The following TMPRSS11F variants were observed in gnomAD, a reference collection of about 807,000 sequenced individuals.
TMPRSS11F encodes transmembrane protease serine 11F.
TMPRSS11F carries 47 observed loss-of-function variants against 60.2 expected under a neutral mutation model. That is an observed-to-expected ratio of 0.78 (90% CI 0.62 to 1.00). The LOEUF (loss-of-function observed/expected upper bound fraction) is 1.00. Ranked by LOEUF, TMPRSS11F falls within the 50% of genes least tolerant of loss-of-function variation. TMPRSS11F has a pLI of 0.00. For synonymous variants in TMPRSS11F, 166 were observed against 167.3 expected (o/e 0.99, Z 0.06); for missense variants, 519 against 522.9 (o/e 0.99, Z 0.07).
chr4:68,090,715 C>G, intron 2 of TMPRSS11F, 74 bp from the exon 3 acceptor site: 2 of 1,525,296 alleles, frequency 1.3e-6, no homozygotes, highest in Non-Finnish European at 1.8e-6. Flanking sequence ...CTTGCCCACA[C>G]CTGCTAAATA....
At chr4:68,116,749 A>G (rs1057424135) in intron 1 of TMPRSS11F, among the ~76,000 whole-genome samples, 1 of 152,236 alleles carries the variant, frequency 6.6e-6, no homozygotes, top group Admixed American at 6.5e-5. Context: ...TATAAAAGAT[A>G]GTGTCCTCAA....
In TMPRSS11F at chr4:68,129,782, C is replaced by A. The variant is rs1472610657; in HGVS notation, c.11+28G>T. On this transcript the variant is annotated intron_variant, in intron 1 of 9. Transcript: ENST00000356291. ...TGTAAACCTCTGTCCCCACTGATAA[C>A]CTTTACTGAGAAAAGCTGAATACTT... The A allele has an allele frequency of 1.9e-6, 3 of 1,611,654 alleles. No individual in the cohort carries two copies. In the South Asian group the frequency reaches 3.3e-5, roughly 18 times the overall value.
chr4:68,072,221 C>CAA (rs61257089), intron 5 of TMPRSS11F, 102 bp downstream of exon 5: 1,068 of 57,806 alleles, frequency 0.018, 83 homozygotes, highest in South Asian at 0.046. Context: ...ATATATCTTC[C>CAA]AAAAAAAAAA....
intron 3 of TMPRSS11F, among the ~76,000 whole-genome samples, chr4:68,086,378 G>A (rs2109860175): frequency 6.6e-6 from 1 of 152,268 alleles, no homozygotes; most frequent in East Asian, 1.9e-4. Context: ...CTAAAGCAGT[G>A]TTAAGAGGAA....
chr4:68,088,435 T>A (rs1039354733), intron 3 of TMPRSS11F, among the ~76,000 whole-genome samples: 7 of 150,528 alleles, frequency 4.7e-5, no homozygotes, highest in Admixed American at 2.0e-4. Context: ...CTCCCACACA[T>A]TAATAATGGG....
chr4:68,070,976 G>A (rs1201192515), intron 5 of TMPRSS11F, among the ~76,000 whole-genome samples: 1 of 152,090 alleles, frequency 6.6e-6, no homozygotes, highest in Non-Finnish European at 1.5e-5. Flanking sequence ...AAAACAACTT[G>A]TATCATAAAA....
chr4:68,113,125 A>T (rs1245579995), intron 1 of TMPRSS11F, among the ~76,000 whole-genome samples: 1 of 152,224 alleles, frequency 6.6e-6, no homozygotes, highest in East Asian at 1.9e-4. Flanking sequence ...AATTAAAACA[A>T]ATTAAATCTT....
At chr4:68,085,627 C>A (rs1482585945) in intron 3 of TMPRSS11F, among the ~76,000 whole-genome samples, 1 of 152,098 alleles carries the variant, frequency 6.6e-6, no homozygotes, top group African/African-American at 2.4e-5. Context: ...CATACAGTGG[C>A]AAGTTGGATA....
At chr4:68,054,312 GT>G (rs376135067) in intron 9 of TMPRSS11F, among the ~76,000 whole-genome samples, 102 of 148,678 alleles carry the variant, frequency 6.9e-4, no homozygotes, top group African/African-American at 2.3e-3. Flanking sequence ...GTATCCTTAG[GT>G]TTTTTTTTTC....
At chr4:68,120,613 C>T (rs1268280076) in intron 1 of TMPRSS11F, among the ~76,000 whole-genome samples, 1 of 151,930 alleles carries the variant, frequency 6.6e-6, no homozygotes, top group Non-Finnish European at 1.5e-5. Flanking sequence ...TGGTCTCGAT[C>T]TCCTGACCTC....
intron 9 of TMPRSS11F, 64 bp from the exon 10 acceptor site, chr4:68,054,131 C>G: frequency 2.0e-6 from 3 of 1,473,176 alleles, no homozygotes; most frequent in Non-Finnish European, 2.8e-6. Context: ...GTATTGTAAT[C>G]TGACGTTCAC....
At chr4:68,127,280 A>G (rs1009484974) in intron 1 of TMPRSS11F, among the ~76,000 whole-genome samples, 1 of 151,990 alleles carries the variant, frequency 6.6e-6, no homozygotes, top group Non-Finnish European at 1.5e-5. Context: ...AAAACTAAAC[A>G]CAGTTATTAC....
At position 68,053,946 on chromosome 4, in the gene TMPRSS11F, T is replaced by C; in HGVS notation, c.1280A>G (p.Lys427Arg). 6.2e-7 allele frequency: 1 copy of C among 1,613,686 alleles called. No individual in the cohort carries two copies. Among genetic ancestry groups the C allele is most frequent in the Non-Finnish European group, 8.5e-7 (1 of 1,179,634 alleles). ...KKPGVYTRVTKYRDWIASKTG... is the reference protein window; with the variant it reads ...KKPGVYTRVTRYRDWIASKTG... ...CTTTGAGGCAATCCAATCTCGATAC[T>C]TAGTTACTCTGGTGTAGACTCCAGG... The change falls in exon 10 of 10, where the codon AAG (lysine) becomes AGG (arginine). Residue 427 changes from lysine (K) to arginine (R), a missense_variant. By Grantham distance (26) the Lys-to-Arg change is conservative. Coordinates refer to ENST00000356291, the MANE Select transcript of TMPRSS11F (RefSeq NM_207407.2).
chr4:68,105,049 G>GTTTTTTTT (rs34041075), intron 1 of TMPRSS11F, among the ~76,000 whole-genome samples: 11 of 55,188 alleles, frequency 2.0e-4, no homozygotes, highest in Admixed American at 5.8e-4. Context: ...TTCCCTCTAG[G>GTTTTTTTT]TTTTTTTTTT....
chr4:68,098,662 A>G (rs1163204722), intron 2 of TMPRSS11F, among the ~76,000 whole-genome samples: 2 of 152,056 alleles, frequency 1.3e-5, no homozygotes, highest in Admixed American at 6.6e-5. Flanking sequence ...TTTTTTATGT[A>G]TTTCTTTTAG....
intron 1 of TMPRSS11F, among the ~76,000 whole-genome samples, chr4:68,120,996 T>C (rs892188279): frequency 6.6e-6 from 1 of 152,216 alleles, no homozygotes; most frequent in Non-Finnish European, 1.5e-5. Context: ...TATAAAAAAT[T>C]TGTGGCACTC....
intron 3 of TMPRSS11F, among the ~76,000 whole-genome samples, chr4:68,078,387 A>C (rs1279585828): frequency 2.0e-5 from 3 of 151,972 alleles, no homozygotes; most frequent in Admixed American, 6.6e-5. Flanking sequence ...AAAGTTGAAC[A>C]CTCCTTTATT....
At chr4:68,065,779 AC>A (rs200060797) in intron 7 of TMPRSS11F, among the ~76,000 whole-genome samples, 4 of 151,498 alleles carry the variant, frequency 2.6e-5, no homozygotes, top group African/African-American at 9.7e-5. Flanking sequence ...AAAAAAAAAA[AC>A]CTGAAAGATC....
intron 7 of TMPRSS11F, 50 bp downstream of exon 7, chr4:68,068,568 G>A (rs368414416): frequency 8.9e-5 from 131 of 1,479,240 alleles, no homozygotes; most frequent in Admixed American, 2.0e-4. Context: ...TAAATCAGTG[G>A]CAGATGAGGA....
Sources: gnomAD v4.1 joint callset for allele counts (sites outside exome capture counted in the v4.1 genomes callset) on GRCh38, gnomAD v4.1.1 for gene constraint, MANE v1.5 for transcripts, NCBI Gene and HGNC (gene_info 2026-07-23, HGNC 2026-07-21) for gene names.